Variants in STT3B observed in about 807,000 individuals in gnomAD.
The protein encoded by STT3B is dolichyl-diphosphooligosaccharide--protein glycosyltransferase subunit STT3B.
Under a neutral mutation model 96.8 loss-of-function variants are expected in STT3B, and 29 were observed. The observed-to-expected ratio is 0.30, with a 90% CI of 0.22 to 0.41. The LOEUF (loss-of-function observed/expected upper bound fraction) is 0.41, where lower values mean the gene tolerates loss of function less well. Ranked by LOEUF, STT3B falls within the 10% of genes least tolerant of loss-of-function variation. The probability of loss-of-function intolerance (pLI) is 1.00; values close to 1 mark genes in which losing one functional copy is unlikely to be tolerated. For missense variants in STT3B, 640 were observed against 1,022.3 expected (o/e 0.63, Z 5.10); for synonymous variants, 367 against 360.0 (o/e 1.02, Z -0.22).
chr3:31,565,909 G>A (rs2125446656), intron 1 of STT3B, among the ~76,000 whole-genome samples: 1 of 151,874 alleles, frequency 6.6e-6, no homozygotes, highest in Non-Finnish European at 1.5e-5. Flanking sequence ...GTTCAAAGTT[G>A]CATCTTAACA....
chr3:31,540,223 A>C (rs1697230852), intron 1 of STT3B, among the ~76,000 whole-genome samples: 1 of 152,136 alleles, frequency 6.6e-6, no homozygotes, highest in East Asian at 1.9e-4. Context: ...CTTTTGTGTG[A>C]AGCTTGACTC....
In STT3B at chr3:31,622,318, CTAAAG is replaced by C. The variant is rs1353969647; in HGVS notation, c.1539+14_1539+18del. ...AAATTTGTATGATAAGGTGGGGAAT[CTAAAG>C]TAAGGCCTTTAAATTGTCTATGTCC... On this transcript the variant is annotated intron_variant, in intron 10 of 15. Coordinates refer to ENST00000295770, the MANE Select transcript of STT3B (RefSeq NM_178862.3). 5 of 1,607,222 alleles carry C rather than the reference CTAAAG, an allele frequency of 3.1e-6. No homozygotes were observed. The highest frequency in any genetic ancestry group is 3.3e-5 in the Admixed American group (2 of 59,970).
chr3:31,563,112 C>G (rs1243820405), intron 1 of STT3B, among the ~76,000 whole-genome samples: 1 of 152,112 alleles, frequency 6.6e-6, no homozygotes, highest in Non-Finnish European at 1.5e-5. Context: ...CCTCTTTTTC[C>G]TTGCTTTTGA....
chr3:31,578,929 T>C (rs1349699771), intron 2 of STT3B, among the ~76,000 whole-genome samples: 2 of 152,042 alleles, frequency 1.3e-5, no homozygotes, highest in Non-Finnish European at 2.9e-5. Context: ...AGTTGCAAAT[T>C]GTATAGCCAG....
At chr3:31,576,687 C>A (rs767215993) in intron 2 of STT3B, among the ~76,000 whole-genome samples, 183 bp downstream of exon 2, 1 of 152,094 alleles carries the variant, frequency 6.6e-6, no homozygotes, top group Non-Finnish European at 1.5e-5. Flanking sequence ...CCTTAATCCC[C>A]AACCTGTTTT....
intron 5 of STT3B, among the ~76,000 whole-genome samples, chr3:31,611,415 A>C (rs1166722349): frequency 1.3e-5 from 2 of 152,220 alleles, no homozygotes; most frequent in Non-Finnish European, 2.9e-5. Context: ...GCATAAATTG[A>C]AGAGGTAATT....
At chr3:31,563,160 C>T (rs1401152554) in intron 1 of STT3B, among the ~76,000 whole-genome samples, 1 of 152,172 alleles carries the variant, frequency 6.6e-6, no homozygotes, top group Non-Finnish European at 1.5e-5. Flanking sequence ...TCATTGTTCT[C>T]TCTCAGGTGA....
chr3:31,606,255 G>T (rs895332946), intron 5 of STT3B, among the ~76,000 whole-genome samples: 1 of 152,212 alleles, frequency 6.6e-6, no homozygotes, highest in African/African-American at 2.4e-5. Flanking sequence ...ATTGAAGCAG[G>T]CTGCAGAAAT....
chr3:31,546,022 T>C (rs1559359469), intron 1 of STT3B, among the ~76,000 whole-genome samples: 1 of 152,220 alleles, frequency 6.6e-6, no homozygotes, highest in Non-Finnish European at 1.5e-5. Context: ...CATTTATACA[T>C]CTGTTAGTTG....
At chr3:31,629,134 C>T (rs1699600311) in intron 13 of STT3B, 164 bp from the exon 14 acceptor site, 1 of 575,990 alleles carries the variant, frequency 1.7e-6, no homozygotes, top group African/African-American at 2.0e-5. Context: ...GGCCTTATAA[C>T]ATGGTTCGAA....
intron 1 of STT3B, among the ~76,000 whole-genome samples, chr3:31,557,731 C>A (rs1369227263): frequency 6.6e-6 from 1 of 152,200 alleles, no homozygotes; most frequent in Non-Finnish European, 1.5e-5. Context: ...CTCCCGGGTT[C>A]ACACCATTGT....
intron 2 of STT3B, among the ~76,000 whole-genome samples, chr3:31,577,371 A>T (rs1031108197): frequency 2.6e-5 from 4 of 152,094 alleles, no homozygotes; most frequent in African/African-American, 4.8e-5. Flanking sequence ...ATAAGTTCTG[A>T]TGTGTAGTAT....
chr3:31,560,007 C>T (rs529528071), intron 1 of STT3B, among the ~76,000 whole-genome samples: 1 of 152,210 alleles, frequency 6.6e-6, no homozygotes, highest in Admixed American at 6.5e-5. Flanking sequence ...TACTCGTGCT[C>T]ACTTTTGGTT....
rs76435211 is a variant in STT3B at position 31,566,580 on chromosome 3, C to T, written c.315-9816C>T. Among the ~76,000 whole-genome samples the T allele has an allele frequency of 7.3e-3, 1,108 of 152,204 alleles. 7 individuals are homozygous for T. The highest frequency in any genetic ancestry group is 0.01 in the Non-Finnish European group (712 of 68,002). On this transcript the variant is annotated intron_variant, in intron 1 of 15. Coordinates refer to ENST00000295770, the MANE Select transcript of STT3B (RefSeq NM_178862.3). The stretch of plus-strand genomic sequence containing the variant: ...GCACACCATTTCTCCACCTCAAGGC[C>T]TTTGCACTTGATAGTTTCTTTGCCT...
intron 1 of STT3B, among the ~76,000 whole-genome samples, chr3:31,555,434 G>T (rs1320089602): frequency 2.0e-5 from 3 of 152,114 alleles, no homozygotes; most frequent in Non-Finnish European, 4.4e-5. Context: ...TAAGAACACT[G>T]TTAGATGTTG....
chr3:31,616,232 T>C (rs1040124628), intron 6 of STT3B, among the ~76,000 whole-genome samples: 3 of 151,948 alleles, frequency 2.0e-5, no homozygotes, highest in Non-Finnish European at 4.4e-5. Flanking sequence ...CATATTCTTC[T>C]TGGTGTCTCT....
chr3:31,604,376 A>G (rs1232145529), intron 5 of STT3B, among the ~76,000 whole-genome samples: 2 of 152,178 alleles, frequency 1.3e-5, no homozygotes, highest in Non-Finnish European at 2.9e-5. Flanking sequence ...TGTAAACAGA[A>G]CACAGCTAAT....
chr3:31,603,215 T>C (rs1203007972), intron 5 of STT3B, among the ~76,000 whole-genome samples: 2 of 152,188 alleles, frequency 1.3e-5, no homozygotes, highest in African/African-American at 2.4e-5. Context: ...TAAATAATTA[T>C]GAAAAAGTTG....
At chr3:31,632,416 T>C (rs535207879) in intron 14 of STT3B, among the ~76,000 whole-genome samples, 2 of 152,178 alleles carry the variant, frequency 1.3e-5, no homozygotes, top group African/African-American at 2.4e-5. Flanking sequence ...TAATAATATA[T>C]GTTATGGGGT....
Sources: gnomAD v4.1 joint callset for allele counts (sites outside exome capture counted in the v4.1 genomes callset) on GRCh38, gnomAD v4.1.1 for gene constraint, MANE v1.5 for transcripts, NCBI Gene and HGNC (gene_info 2026-07-23, HGNC 2026-07-21) for gene names.